The following VCPKMT variants were observed in gnomAD, a reference collection of about 807,000 sequenced individuals.
VCPKMT encodes valosin containing protein lysine methyltransferase, also known as protein N-lysine methyltransferase METTL21D.
Under a neutral mutation model 28.6 loss-of-function variants are expected in VCPKMT, and 32 were observed. The ratio of observed to expected loss-of-function variants is 1.12; its 90% CI spans 0.84 to 1.50. VCPKMT has a LOEUF of 1.50. Among genes scored for constraint, VCPKMT ranks in the 40% most tolerant of loss-of-function variants. VCPKMT has a pLI of 0.00. For missense variants in VCPKMT, 366 were observed against 285.0 expected (o/e 1.28, Z -2.05); for synonymous variants, 138 against 111.4 (o/e 1.24, Z -1.50).
chr14:50,114,998 C>T (rs2144577), intron 3 of VCPKMT, among the ~76,000 whole-genome samples: 135,849 of 152,246 alleles, frequency 0.89, 60,765 homozygotes, highest in African/African-American at 0.94. Context: ...TGGAATCAAC[C>T]TTACTCTTAA....
Position 50,116,080 on chromosome 14 carries a change from C to G in VCPKMT, c.366G>C (p.Lys122Asn), listed in dbSNP as rs1256514615. 1 of 1,612,048 alleles carries G rather than the reference C, an allele frequency of 6.2e-7. No homozygotes were observed. The highest frequency in any genetic ancestry group is 2.2e-5 in the East Asian group (1 of 44,878). The part of the protein sequence containing the change: ...KHLVTGSVQA[K>N]VLKWGEEIEG... Reference sequence around the variant, plus strand: ...AAGGCCATACAAACCATTTCAGTACCTTGGCTTGAACAGAACCAGTGACAA... The same window carrying G: ...AAGGCCATACAAACCATTTCAGTACGTTGGCTTGAACAGAACCAGTGACAA... The change falls in exon 2 of 6, where the codon AAG becomes AAC. Residue 122 changes from lysine to asparagine, a missense_variant. Transcript: ENST00000395860.
At chr14:50,107,184 T>G (rs2139425013), downstream of VCPKMT, among the ~76,000 whole-genome samples, 1 of 152,394 alleles carries the variant, frequency 6.6e-6, no homozygotes, top group South Asian at 2.1e-4. Context: ...GCATGTTCTC[T>G]GAACTGGCCA....
intron 3 of VCPKMT, among the ~76,000 whole-genome samples, 190 bp downstream of exon 3, chr14:50,115,649 C>A (rs550621524): frequency 1.3e-5 from 2 of 152,322 alleles, no homozygotes; most frequent in Non-Finnish European, 2.9e-5. Flanking sequence ...ACATGCTTCA[C>A]CAGGTCGGTA....
chr14:50,113,153 C>T (rs1882821374), intron 4 of VCPKMT, among the ~76,000 whole-genome samples: 2 of 152,064 alleles, frequency 1.3e-5, no homozygotes, highest in South Asian at 2.1e-4. Context: ...CTGAAAATGT[C>T]CTCTATCTTT....
rs1032907374 is a variant in VCPKMT at position 50,109,575 on chromosome 14, T to C, written c.*124A>G. ...TGGTGGTCATCATCTATACATCGGA[T>C]CTCTAAGGACGTGCCGGAAAAAAAA... is the stretch of plus-strand genomic sequence containing the variant. On this transcript the variant is annotated 3_prime_UTR_variant, in exon 6 of 6. Coordinates refer to ENST00000395860, the MANE Select transcript of VCPKMT (RefSeq NM_024558.3). The C allele has an allele frequency of 1.9e-5, 27 of 1,424,590 alleles. No homozygotes were observed. In the East Asian group the frequency reaches 7.1e-4, roughly 38 times the overall value. 88.2% of individuals were successfully genotyped at this position (1,424,590 alleles called of 1,614,324 possible).
At chr14:50,114,673 C>A (rs1046604137) in intron 3 of VCPKMT, among the ~76,000 whole-genome samples, 1 of 152,092 alleles carries the variant, frequency 6.6e-6, no homozygotes, top group Non-Finnish European at 1.5e-5. Flanking sequence ...CAAACCACCC[C>A]CCGCAACACC....
At position 50,114,317 on chromosome 14, in the gene VCPKMT, T is replaced by C. The variant is rs780360587; in HGVS notation, c.538A>G (p.Lys180Glu). Residue 180 changes from lysine to glutamate, a missense_variant, in exon 4 of 6, where the codon AAA becomes GAA. Lys to Glu is a moderately conservative substitution (Grantham distance 56, BLOSUM62 1). Coordinates refer to ENST00000395860, the MANE Select transcript of VCPKMT (RefSeq NM_024558.3). ...ICCYEQRTMG[K>E]NPEIEKKYFE... ...TATTTTTTCTCAATTTCTGGATTTTTCCCCATTGTTCGTTGTTCATAACAA... is the reference window on the plus strand; with the variant it reads ...TATTTTTTCTCAATTTCTGGATTTTCCCCCATTGTTCGTTGTTCATAACAA... 3.8e-6 allele frequency: 6 copies of C among 1,587,900 alleles called. No homozygotes were observed. The highest frequency in any genetic ancestry group is 2.4e-5 in the South Asian group (2 of 84,046).
intron 5 of VCPKMT, among the ~76,000 whole-genome samples, chr14:50,109,944 G>C (rs1259137783): frequency 6.6e-6 from 1 of 152,032 alleles, no homozygotes; most frequent in Non-Finnish European, 1.5e-5. Flanking sequence ...AAATATATGT[G>C]CTTCAAAAGA....
the VCPKMT span, among the ~76,000 whole-genome samples, chr14:50,103,044 T>G: frequency 1.3e-5 from 2 of 152,222 alleles, no homozygotes; most frequent in African/African-American, 4.8e-5. Flanking sequence ...ATTATAAGAT[T>G]TTTTTGCAAT....
At chr14:50,113,794 C>CGGGGGGGG (rs61233901) in intron 4 of VCPKMT, among the ~76,000 whole-genome samples, 2 of 8,342 alleles carry the variant, frequency 2.4e-4, no homozygotes, top group Non-Finnish European at 3.5e-4. Flanking sequence ...TACTTGGGGG[C>CGGGGGGGG]GGGGGGGGGG....
In VCPKMT at chr14:50,115,789, G is replaced by A. The variant is rs1264466796; in HGVS notation, c.450+50C>T. On this transcript the variant is annotated intron_variant, in intron 3 of 5. Transcript: ENST00000395860. ...AGAAACGTGTGCTTTAGAATTCATGGAATAAGGTTCATCTTCTAAGTGAAG... is the reference window on the plus strand; with the variant it reads ...AGAAACGTGTGCTTTAGAATTCATGAAATAAGGTTCATCTTCTAAGTGAAG... The A allele has an allele frequency of 4.5e-6, 7 of 1,553,356 alleles. No homozygotes were observed. The African/African-American group carries it at 9.6e-5, about 21-fold the overall frequency.
At chr14:50,111,669 G>C in intron 5 of VCPKMT, 2 of 952,650 alleles carry the variant, frequency 2.1e-6, no homozygotes, top group Non-Finnish European at 2.5e-6. Flanking sequence ...CTGGAGTCCA[G>C]GAGTGCAAAA....
chr14:50,116,419 G>A lies in VCPKMT; in HGVS notation c.134C>T (p.Ala45Val). 1.9e-6 allele frequency: 3 copies of A among 1,614,022 alleles called. No individual in the cohort carries two copies. Among genetic ancestry groups the A allele is most frequent in the Non-Finnish European group, 2.5e-6 (3 of 1,179,944 alleles). ...SGGVGCVVWD[A>V]AIVLSKYLET... ...CAGGTATTTAGAAAGGACAATGGCA[G>A]CGTCCCACACAACGCAACCCACGCC... The change falls in exon 1 of 6, where the codon GCT becomes GTT. Residue 45 changes from alanine (A) to valine (V), a missense_variant. Transcript: ENST00000395860.
Position 50,114,247 on chromosome 14 carries a change from G to C in VCPKMT, c.570+38C>G. On this transcript the variant is annotated intron_variant, in intron 4 of 5. Coordinates refer to ENST00000395860, the MANE Select transcript of VCPKMT (RefSeq NM_024558.3). ...GAGTCACATACAGCCCCCCTGAAGGGAAATCACTACAAAGATAATAGAGTA... is the reference window on the plus strand; with the variant it reads ...GAGTCACATACAGCCCCCCTGAAGGCAAATCACTACAAAGATAATAGAGTA... 1.4e-6 allele frequency: 2 copies of C among 1,458,134 alleles called. 1 individual carries two copies. Among genetic ancestry groups the C allele is most frequent in the Non-Finnish European group, 1.8e-6 (2 of 1,104,006 alleles). The allele number at this position is 1,458,134 out of a possible 1,614,324, so 90.3% of individuals were successfully genotyped here. A position where few individuals can be genotyped will look rare whatever the true frequency, so the allele number is the denominator to read the frequency against.
At chr14:50,111,303 GT>G (rs958486448) in intron 5 of VCPKMT, 17 of 984,624 alleles carry the variant, frequency 1.7e-5, no homozygotes, top group African/African-American at 5.3e-5. Flanking sequence ...GCACAAAACA[GT>G]TTTTTTTGTA....
At chr14:50,115,947 A>G (rs1257894030) in intron 2 of VCPKMT, 36 bp from the exon 3 acceptor site, 4 of 1,607,528 alleles carry the variant, frequency 2.5e-6, no homozygotes, top group Middle Eastern at 1.7e-4. Context: ...AATTGTTTTA[A>G]TAATTCAAAA....
downstream of VCPKMT, among the ~76,000 whole-genome samples, chr14:50,104,430 T>C (rs906875596): frequency 2.6e-5 from 4 of 152,226 alleles, no homozygotes; most frequent in Non-Finnish European, 4.4e-5. Context: ...AAACTTAGCT[T>C]TTCCATTAAT....
At chr14:50,106,410 G>C (rs1882321323), downstream of VCPKMT, among the ~76,000 whole-genome samples, 1 of 152,198 alleles carries the variant, frequency 6.6e-6, no homozygotes, top group African/African-American at 2.4e-5. Context: ...AATTAGCTGT[G>C]TCCTGGCTGA....
chr14:50,111,927 C>T (rs1289727519), intron 5 of VCPKMT: 2 of 985,102 alleles, frequency 2.0e-6, no homozygotes, highest in Admixed American at 6.2e-5. Flanking sequence ...TTCCCTCTTT[C>T]TACAGGCTCA....
Sources: allele counts gnomAD v4.1 joint callset (sites outside exome capture counted in the v4.1 genomes callset), GRCh38; gene constraint gnomAD v4.1.1; transcripts MANE v1.5; gene names NCBI Gene and HGNC (gene_info 2026-07-23, HGNC 2026-07-21).